The following CERS3 variants were observed in gnomAD, a reference collection of about 807,000 sequenced individuals.
CERS3 encodes the protein ceramide synthase 3.
In CERS3, 33 loss-of-function variants were observed where a neutral mutation model predicts 50.3. The ratio of observed to expected loss-of-function variants is 0.66; its 90% CI spans 0.50 to 0.88. CERS3 has a LOEUF of 0.88. CERS3 is among the 40% of genes least tolerant of loss of function. The probability of loss-of-function intolerance (pLI) is 0.00; values close to 1 mark genes in which losing one functional copy is unlikely to be tolerated. For synonymous variants in CERS3, 176 were observed against 155.2 expected (o/e 1.13, Z -0.99); for missense variants, 470 against 460.3 (o/e 1.02, Z -0.19).
At chr15:100,491,240 G>C (rs1177117083) in intron 3 of CERS3, among the ~76,000 whole-genome samples, 1 of 151,966 alleles carries the variant, frequency 6.6e-6, no homozygotes, top group Non-Finnish European at 1.5e-5. Flanking sequence ...GACTCCCGGG[G>C]ATTAAAATAA....
At chr15:100,424,392 G>C (rs1459893077) in intron 11 of CERS3, among the ~76,000 whole-genome samples, 1 of 152,196 alleles carries the variant, frequency 6.6e-6, no homozygotes, top group Non-Finnish European at 1.5e-5. Flanking sequence ...CTCAGAAGAT[G>C]ACAGGAAAGT....
intron 11 of CERS3, among the ~76,000 whole-genome samples, chr15:100,434,855 T>C (rs1466856996): frequency 6.6e-6 from 1 of 152,246 alleles, no homozygotes; most frequent in Admixed American, 6.5e-5. Flanking sequence ...GGAGACTATC[T>C]CTTCCTTTCA....
intron 11 of CERS3, among the ~76,000 whole-genome samples, chr15:100,444,467 T>G (rs2033846924): frequency 6.6e-6 from 1 of 152,220 alleles, no homozygotes; most frequent in South Asian, 2.1e-4. Flanking sequence ...CTTCTCACCC[T>G]GATCACACTT....
At chr15:100,510,921 A>G (rs540019202) in intron 2 of CERS3, among the ~76,000 whole-genome samples, 4 of 152,256 alleles carry the variant, frequency 2.6e-5, no homozygotes, top group African/African-American at 9.6e-5. Flanking sequence ...AATGGAAAAG[A>G]TAAGTAAACA....
At chr15:100,502,022 G>A (rs1011594770) in intron 2 of CERS3, among the ~76,000 whole-genome samples, 172 bp from the exon 3 acceptor site, 8 of 151,928 alleles carry the variant, frequency 5.3e-5, no homozygotes, top group African/African-American at 1.2e-4. Context: ...CAAGGCGGGC[G>A]GATCATGAGG....
At chr15:100,451,731 CAAAA>C (rs75610782) in intron 11 of CERS3, among the ~76,000 whole-genome samples, 7,486 of 151,354 alleles carry the variant, frequency 0.049, 264 homozygotes, top group Non-Finnish European at 0.078. Flanking sequence ...ACAAAACAAA[CAAAA>C]AACCAAAACA....
At chr15:100,418,275 G>A (rs539556472) in intron 11 of CERS3, among the ~76,000 whole-genome samples, 32 of 152,206 alleles carry the variant, frequency 2.1e-4, no homozygotes, top group Non-Finnish European at 3.7e-4. Flanking sequence ...CGAGAACTAC[G>A]TGAAGAATGC....
At chr15:100,420,256 C>G (rs1464962635) in intron 11 of CERS3, among the ~76,000 whole-genome samples, 22 of 146,124 alleles carry the variant, frequency 1.5e-4, no homozygotes, top group African/African-American at 2.3e-4. Flanking sequence ...GATATCACCA[C>G]CGATCCCACA....
intron 9 of CERS3, 47 bp downstream of exon 9, chr15:100,472,877 A>C (rs564503711): frequency 6.2e-7 from 1 of 1,612,350 alleles, no homozygotes; most frequent in Admixed American, 1.7e-5. Flanking sequence ...AGTTACGGAA[A>C]CCCAGGACAT....
intron 11 of CERS3, among the ~76,000 whole-genome samples, chr15:100,421,693 G>T (rs2032442027): frequency 2.0e-5 from 3 of 149,934 alleles, no homozygotes; most frequent in Non-Finnish European, 3.0e-5. Context: ...ATACGACAAG[G>T]CTACAGTAAC....
In CERS3 at chr15:100,442,585, G is replaced by A. The variant is rs552077467; in HGVS notation, c.999+13308C>T. 2.0e-5 allele frequency among the ~76,000 whole-genome samples: 3 copies of A among 152,308 alleles called. No individual in the cohort carries two copies. The South Asian group carries it at 6.2e-4, about 32-fold the overall frequency. ...ACAAGTGCCAGAAATCTGGCCACCA[G>A]GCCAAGGAATGCTCGCAGCCTGGGA... On this transcript the variant is annotated intron_variant, in intron 11 of 11. Transcript: ENST00000679737.
intron 11 of CERS3, among the ~76,000 whole-genome samples, chr15:100,447,527 C>T (rs561049710): frequency 2.4e-4 from 36 of 152,272 alleles, no homozygotes; most frequent in African/African-American, 4.3e-4. Context: ...ACTGGTCATT[C>T]GTATTTGGTT....
intron 11 of CERS3, among the ~76,000 whole-genome samples, chr15:100,441,367 C>T (rs530068542): frequency 1.3e-5 from 2 of 151,662 alleles, no homozygotes; most frequent in South Asian, 2.1e-4. Flanking sequence ...CTTATCTCTG[C>T]ACCCCAATCC....
Position 100,469,488 on chromosome 15 carries a change from CA to C in CERS3, c.739-5del. 6.3e-7 allele frequency: 1 copy of C among 1,589,822 alleles called. No individual in the cohort carries two copies. The highest frequency in any genetic ancestry group is 1.1e-5 in the South Asian group (1 of 88,146). On this transcript the variant is annotated splice_region_variant and splice_polypyrimidine_tract_variant and intron_variant, in intron 9 of 11. Transcript: ENST00000679737. ...CATAAGAAAACATCTTAGCAGACTG[CA>C]AAAAAGAAAGAAACTGCAGATAAAG...
In CERS3 at chr15:100,472,936, G is replaced by A. The variant is rs1189175637; in HGVS notation, c.726C>T (p.Asp242=). Residue 242 remains aspartate (D), a synonymous_variant, in exon 9 of 12, where the codon GAC becomes GAT. Transcript: ENST00000679737. Reference sequence around the variant, plus strand: ...GGCAAACGTTTACCTCCAGCCAAATGTCAGCCACATCGTGTACAATCATCA... The same window carrying A: ...GGCAAACGTTTACCTCCAGCCAAATATCAGCCACATCGTGTACAATCATCA... ...TLVMIVHDVA[D]IWLESAKMFS... is the part of the protein sequence containing the mutation. 1.2e-6 allele frequency: 2 copies of A among 1,613,834 alleles called. No homozygotes were observed. The highest frequency in any genetic ancestry group is 1.7e-6 in the Non-Finnish European group (2 of 1,179,914).
chr15:100,475,935 T>C (rs2035113849), intron 8 of CERS3, 151 bp downstream of exon 8: 1 of 391,422 alleles, frequency 2.6e-6, no homozygotes, highest in Non-Finnish European at 4.7e-6. Context: ...ATGAGTATAA[T>C]TAGCAATATT....
At chr15:100,543,850 C>T (rs1284901236) in intron 1 of CERS3, among the ~76,000 whole-genome samples, 2 of 152,124 alleles carry the variant, frequency 1.3e-5, no homozygotes, top group African/African-American at 4.8e-5. Flanking sequence ...GCCTTTCTTA[C>T]CTTTGAGGTC....
intron 11 of CERS3, among the ~76,000 whole-genome samples, chr15:100,441,447 C>T (rs552416478): frequency 1.3e-4 from 20 of 151,724 alleles, no homozygotes; most frequent in African/African-American, 3.9e-4. Context: ...ACCCCTTTCT[C>T]GCTTTTCTGG....
rs2142335447 is a variant in CERS3, at chr15:100,503,575, C to G, written c.-1-1725G>C. ...TTGGTAGCCAGCTCCTCTGTGAGCC[C>G]ATAGGGTGTCTTTGTGCTGATTAGA... On this transcript the variant is annotated intron_variant, in intron 2 of 11. Coordinates refer to ENST00000679737, the MANE Select transcript of CERS3 (RefSeq NM_001378789.1). The G allele has an allele frequency of 5.1e-6, 2 of 393,790 alleles. 1 individual carries two copies. Among genetic ancestry groups the G allele is most frequent in the Middle Eastern group, 7.5e-4 (2 of 2,670 alleles). 24.4% of individuals were successfully genotyped at this position (393,790 alleles called of 1,614,324 possible). A position where few individuals can be genotyped will look rare whatever the true frequency, so the allele number is the denominator to read the frequency against.
Sources: gnomAD v4.1 joint callset for allele counts (sites outside exome capture counted in the v4.1 genomes callset) on GRCh38, gnomAD v4.1.1 for gene constraint, MANE v1.5 for transcripts, NCBI Gene and HGNC (gene_info 2026-07-23, HGNC 2026-07-21) for gene names.